Variants in RNF216 observed in about 807,000 individuals in gnomAD.
RNF216 encodes E3 ubiquitin-protein ligase RNF216.
Under a neutral mutation model 110.8 loss-of-function variants are expected in RNF216, and 72 were observed. That is an observed-to-expected ratio of 0.65 (90% CI 0.54 to 0.79). The LOEUF (loss-of-function observed/expected upper bound fraction) is 0.79, where lower values mean the gene tolerates loss of function less well. Among genes scored for constraint, RNF216 ranks in the 30% least tolerant of loss-of-function variants. RNF216 has a pLI of 0.00. For synonymous variants in RNF216, 495 were observed against 407.5 expected (o/e 1.21, Z -2.59); for missense variants, 1,342 against 1,141.2 (o/e 1.18, Z -2.54).
intron 13 of RNF216, among the ~76,000 whole-genome samples, chr7:5,663,515 C>T (rs188138148): frequency 1.5e-5 from 2 of 136,526 alleles, no homozygotes; most frequent in East Asian, 2.2e-4. Context: ...ACCCGGGAGG[C>T]GGAGCTTGCA....
chr7:5,772,860 C>A (rs1441421797), intron 1 of RNF216, among the ~76,000 whole-genome samples: 2 of 151,674 alleles, frequency 1.3e-5, no homozygotes, highest in Non-Finnish European at 2.9e-5. Context: ...TCACTGCAAC[C>A]CTCTGCATCC....
At chr7:5,780,939 C>T (rs1369377981) in intron 1 of RNF216, among the ~76,000 whole-genome samples, 1 of 152,216 alleles carries the variant, frequency 6.6e-6, no homozygotes, top group Non-Finnish European at 1.5e-5. Context: ...GACGCGGGGA[C>T]AGCGGCCTCG....
chr7:5,647,101 G>A (rs777886744), intron 14 of RNF216, among the ~76,000 whole-genome samples: 3 of 151,826 alleles, frequency 2.0e-5, no homozygotes, highest in Non-Finnish European at 2.9e-5. Context: ...TTTCAGCCCT[G>A]AGGAAGTTGT....
chr7:5,641,439 T>G, intron 14 of RNF216, 63 bp from the exon 15 acceptor site: 2 of 1,255,618 alleles, frequency 1.6e-6, no homozygotes, highest in Non-Finnish European at 2.3e-6. Flanking sequence ...AATATGGCCA[T>G]TAAGCATTTA....
intron 1 of RNF216, among the ~76,000 whole-genome samples, chr7:5,776,325 T>G (rs1039897506): frequency 8.6e-5 from 13 of 151,870 alleles, no homozygotes; most frequent in Non-Finnish European, 1.5e-5. Context: ...GGCTCAAGCC[T>G]GTAATCCCAG....
intron 13 of RNF216, among the ~76,000 whole-genome samples, chr7:5,681,482 C>T (rs1353285407): frequency 1.3e-5 from 2 of 152,182 alleles, no homozygotes; most frequent in South Asian, 2.1e-4. Context: ...ACCCAGTGTG[C>T]CTCCCTCTCT....
intron 3 of RNF216, among the ~76,000 whole-genome samples, chr7:5,751,061 C>A (rs547511118): frequency 1.1e-4 from 16 of 152,348 alleles, no homozygotes; most frequent in Middle Eastern, 3.4e-3. Flanking sequence ...CACCCAAACT[C>A]TGGGTATTAC....
intron 2 of RNF216, 74 bp from the exon 3 acceptor site, chr7:5,753,053 A>T: frequency 6.6e-7 from 1 of 1,513,590 alleles, no homozygotes; most frequent in Non-Finnish European, 8.9e-7. Flanking sequence ...TTTTCCTGAC[A>T]GGGGTACAGC....
At chr7:5,747,907 G>T (rs1795119345) in intron 3 of RNF216, among the ~76,000 whole-genome samples, 1 of 151,954 alleles carries the variant, frequency 6.6e-6, no homozygotes, top group South Asian at 2.1e-4. Context: ...CCTCTCAAAG[G>T]ACTGAGATTA....
chr7:5,646,691 T>TAAA (rs548162611), intron 14 of RNF216, among the ~76,000 whole-genome samples: 1 of 140,166 alleles, frequency 7.1e-6, no homozygotes, highest in Non-Finnish European at 1.6e-5. Flanking sequence ...GACTCCATCT[T>TAAA]AAAAAAAAAA....
At chr7:5,697,449 T>C (rs978837067) in intron 13 of RNF216, among the ~76,000 whole-genome samples, 18 of 152,292 alleles carry the variant, frequency 1.2e-4, no homozygotes, top group African/African-American at 4.3e-4. Context: ...CAGCTGGTAA[T>C]GATCGTGTTT....
chr7:5,661,663 C>A (rs774084531), intron 13 of RNF216, among the ~76,000 whole-genome samples: 3 of 152,002 alleles, frequency 2.0e-5, no homozygotes, highest in Non-Finnish European at 4.4e-5. Flanking sequence ...ATTAGCCAGG[C>A]GTGGTGGTGC....
chr7:5,664,720 C>G (rs530502490), intron 13 of RNF216, among the ~76,000 whole-genome samples: 81 of 152,348 alleles, frequency 5.3e-4, no homozygotes, highest in African/African-American at 1.9e-3. Context: ...CACTGGCCAG[C>G]ATTCTCCTCT....
At chr7:5,739,237 AC>A in intron 5 of RNF216, 38 bp downstream of exon 5, 4 of 1,503,984 alleles carry the variant, frequency 2.7e-6, no homozygotes, top group Non-Finnish European at 3.5e-6. Flanking sequence ...TTTTACCACC[AC>A]CACCACCACC....
At position 5,668,380 on chromosome 7, in the gene RNF216, C is replaced by T. The variant is rs541790917; in HGVS notation, c.2062-15870G>A. Among the ~76,000 whole-genome samples the T allele has an allele frequency of 2.0e-5, 3 of 152,164 alleles. No homozygotes were observed. In the East Asian group the frequency reaches 5.8e-4, roughly 29 times the overall value. ...TTGGGACTATAGGCACCCACCACCA[C>T]GCCCGGCTAATGTTTTGTATTTTTA... On this transcript the variant is annotated intron_variant, in intron 13 of 16. Transcript: ENST00000389902.
chr7:5,716,686 C>A, intron 10 of RNF216, 30 bp downstream of exon 10: 2 of 1,549,334 alleles, frequency 1.3e-6, no homozygotes, highest in Non-Finnish European at 1.8e-6. Flanking sequence ...TGAAAATGCC[C>A]AGAATAAACA....
chr7:5,636,703 G>A (rs1289359413), intron 15 of RNF216, among the ~76,000 whole-genome samples: 3 of 152,320 alleles, frequency 2.0e-5, no homozygotes, highest in South Asian at 2.1e-4. Flanking sequence ...TGATGGGAAC[G>A]GGACAAACGG....
At chr7:5,712,665 T>C (rs1307995599) in intron 12 of RNF216, 50 bp downstream of exon 12, 1 of 1,598,624 alleles carries the variant, frequency 6.3e-7, no homozygotes, top group Admixed American at 1.7e-5. Context: ...CCAGGTAGTT[T>C]TCACAATGGG....
intron 13 of RNF216, among the ~76,000 whole-genome samples, chr7:5,677,618 G>A: frequency 6.6e-6 from 1 of 152,136 alleles, no homozygotes; most frequent in Middle Eastern, 3.2e-3. Context: ...AGCATCCTCA[G>A]ATTGGAAAGA....
Sources: allele counts gnomAD v4.1 joint callset (sites outside exome capture counted in the v4.1 genomes callset), GRCh38; gene constraint gnomAD v4.1.1; transcripts MANE v1.5; gene names NCBI Gene and HGNC (gene_info 2026-07-23, HGNC 2026-07-21).